NR6A1: variants seen among roughly 807,000 people sequenced by gnomAD.
NR6A1 encodes the protein nuclear receptor subfamily 6 group A member 1, also known as retinoic acid receptor-related testis-associated receptor.
Under a neutral mutation model 59.1 loss-of-function variants are expected in NR6A1, and 7 were observed. The observed-to-expected ratio is 0.12, with a 90% CI of 0.07 to 0.22. NR6A1 has a LOEUF of 0.22. Ranked by LOEUF, NR6A1 falls within the 10% of genes least tolerant of loss-of-function variation. The pLI is 1.00. For synonymous variants in NR6A1, 243 were observed against 236.1 expected, an observed-to-expected ratio of 1.03 and a Z score of -0.27; for missense variants, 468 against 611.6, an observed-to-expected ratio of 0.77 and a Z score of 2.48.
chr9:124,726,345 C>G (rs919348924), intron 2 of NR6A1, among the ~76,000 whole-genome samples: 1 of 152,224 alleles, frequency 6.6e-6, no homozygotes. Flanking sequence ...CTCTAGCCTA[C>G]ATTAGCATAT....
At chr9:124,533,852 T>C (rs1039855360) in intron 7 of NR6A1, among the ~76,000 whole-genome samples, 2 of 151,874 alleles carry the variant, frequency 1.3e-5, no homozygotes, top group African/African-American at 2.4e-5. Flanking sequence ...GGTTTCACCA[T>C]GTTAGCCAGG....
At chr9:124,684,408 G>A (rs1365509553) in intron 2 of NR6A1, among the ~76,000 whole-genome samples, 1 of 152,182 alleles carries the variant, frequency 6.6e-6, no homozygotes, top group African/African-American at 2.4e-5. Context: ...ACATGTGTCA[G>A]CCCTTGATTC....
chr9:124,543,245 C>T (rs1032194219), intron 4 of NR6A1, among the ~76,000 whole-genome samples: 2 of 152,110 alleles, frequency 1.3e-5, no homozygotes, highest in Admixed American at 6.5e-5. Context: ...AATAGATGCC[C>T]CTCCCTCTGT....
intron 2 of NR6A1, among the ~76,000 whole-genome samples, chr9:124,566,514 G>A (rs1588671788): frequency 1.3e-5 from 2 of 152,316 alleles, no homozygotes; most frequent in East Asian, 3.9e-4. Flanking sequence ...ATAGAATATT[G>A]ATGTTGCATA....
intron 2 of NR6A1, among the ~76,000 whole-genome samples, chr9:124,708,578 T>C (rs1009640314): frequency 6.6e-6 from 1 of 152,166 alleles, no homozygotes; most frequent in African/African-American, 2.4e-5. Flanking sequence ...GGCAGAGGTA[T>C]AAACTCATCT....
chr9:124,689,896 A>G (rs570851686), intron 2 of NR6A1, among the ~76,000 whole-genome samples: 1 of 152,256 alleles, frequency 6.6e-6, no homozygotes, highest in Non-Finnish European at 1.5e-5. Flanking sequence ...CTTTGTCATC[A>G]GTTATATTTA....
intron 2 of NR6A1, among the ~76,000 whole-genome samples, chr9:124,625,753 C>A (rs1476924387): frequency 6.6e-6 from 1 of 152,106 alleles, no homozygotes; most frequent in Non-Finnish European, 1.5e-5. Flanking sequence ...TTAACATTTA[C>A]GTCTGCAAAC....
rs534765908 is a variant in NR6A1 at position 124,577,011 on chromosome 9, G to C, written c.143-22441C>G. On this transcript the variant is annotated intron_variant, in intron 2 of 9. Transcript: ENST00000487099. ...GTTGAGGCTGTGGTGAGCCATGACT[G>C]CATCACCACATTCCAGCCTGGGGAA... is the stretch of plus-strand genomic sequence containing the variant. Among the ~76,000 whole-genome samples the C allele has an allele frequency of 1.2e-4, 18 of 152,258 alleles. 1 individual carries two copies. The South Asian group carries it at 3.7e-3, about 32-fold the overall frequency.
intron 2 of NR6A1, chr9:124,598,786 C>G (rs1302790976): frequency 1.1e-6 from 1 of 911,450 alleles, no homozygotes; most frequent in Non-Finnish European, 1.8e-6. Flanking sequence ...GCCACTTTTT[C>G]GGCATGATCG....
At chr9:124,593,485 A>C (rs191520981) in intron 2 of NR6A1, among the ~76,000 whole-genome samples, 1 of 152,230 alleles carries the variant, frequency 6.6e-6, no homozygotes, top group South Asian at 2.1e-4. Flanking sequence ...GCTTTGATGC[A>C]TGTGACCAAG....
chr9:124,689,413 G>C (rs1023493389), intron 2 of NR6A1, among the ~76,000 whole-genome samples: 1 of 101,764 alleles, frequency 9.8e-6, no homozygotes, highest in Non-Finnish European at 2.0e-5. Flanking sequence ...CATTTTAAAG[G>C]GAAAAAAAGC....
At chr9:124,652,398 T>C (rs1418634499) in intron 2 of NR6A1, among the ~76,000 whole-genome samples, 1 of 152,226 alleles carries the variant, frequency 6.6e-6, no homozygotes, top group African/African-American at 2.4e-5. Context: ...TGACTGCTTA[T>C]GAATCATTTC....
At chr9:124,749,042 C>T (rs1160137806) in intron 1 of NR6A1, among the ~76,000 whole-genome samples, 2 of 152,154 alleles carry the variant, frequency 1.3e-5, no homozygotes, top group African/African-American at 4.8e-5. Flanking sequence ...GCGGGCGGAT[C>T]ACCTGAAGTA....
At chr9:124,742,703 C>T (rs897375629) in intron 1 of NR6A1, among the ~76,000 whole-genome samples, 1 of 152,000 alleles carries the variant, frequency 6.6e-6, no homozygotes, top group East Asian at 1.9e-4. Flanking sequence ...GGTGAAACCC[C>T]GTCTCTAGTA....
chr9:124,753,979 C>G (rs566415292), intron 1 of NR6A1, among the ~76,000 whole-genome samples: 1 of 152,230 alleles, frequency 6.6e-6, no homozygotes, highest in African/African-American at 2.4e-5. Flanking sequence ...TAAAGGGCAC[C>G]AAGGAAGGAA....
At chr9:124,617,667 C>T (rs1397572069) in intron 2 of NR6A1, among the ~76,000 whole-genome samples, 1 of 152,124 alleles carries the variant, frequency 6.6e-6, no homozygotes, top group Non-Finnish European at 1.5e-5. Flanking sequence ...TAGAGTCCAC[C>T]AGCAGAGGGC....
chr9:124,595,931 T>C (rs1835258975), intron 2 of NR6A1: 2 of 676,028 alleles, frequency 3.0e-6, no homozygotes, highest in Non-Finnish European at 2.2e-6. Context: ...GGTCATGTGA[T>C]TGCAAAGTTC....
intron 2 of NR6A1, among the ~76,000 whole-genome samples, chr9:124,567,317 G>T (rs1834289228): frequency 6.6e-6 from 1 of 152,080 alleles, no homozygotes; most frequent in African/African-American, 2.4e-5. Context: ...AGCAGCAGCA[G>T]GATAAAACAG....
chr9:124,561,419 C>A lies in NR6A1; in HGVS notation c.143-6849G>T, dbSNP rs149763640. ...TGCCACTGCACTCCAGCCTACGGGG[C>A]GGCGGAATGAGATCCCATTTCTAAA... On this transcript the variant is annotated intron_variant, in intron 2 of 9. Coordinates refer to ENST00000487099, the MANE Select transcript of NR6A1 (RefSeq NM_033334.4). Among the ~76,000 whole-genome samples the A allele has an allele frequency of 4.1e-4, 62 of 152,150 alleles. 3 individuals are homozygous for A. In the South Asian group the frequency reaches 8.1e-3, roughly 20 times the overall value.
Sources: allele counts gnomAD v4.1 joint callset (sites outside exome capture counted in the v4.1 genomes callset), GRCh38; gene constraint gnomAD v4.1.1; transcripts MANE v1.5; gene names NCBI Gene and HGNC (gene_info 2026-07-23, HGNC 2026-07-21).